The following FAM222A variants were observed in gnomAD, a reference collection of about 807,000 sequenced individuals.
FAM222A encodes family with sequence similarity 222 member A, also known as protein FAM222A.
FAM222A carries 7 observed loss-of-function variants against 25.8 expected under a neutral mutation model. That is an observed-to-expected ratio of 0.27 (90% CI 0.15 to 0.51). The LOEUF is 0.51. FAM222A is among the 20% of genes least tolerant of loss of function. FAM222A has a pLI of 0.97. For missense variants in FAM222A, 573 were observed against 640.5 expected (o/e 0.89, Z 1.14); for synonymous variants, 294 against 298.8 (o/e 0.98, Z 0.17).
intron 1 of FAM222A, among the ~76,000 whole-genome samples, chr12:109,716,839 G>A (rs185642568): frequency 6.6e-6 from 1 of 152,362 alleles, no homozygotes; most frequent in Non-Finnish European, 1.5e-5. Context: ...AGGAGGGAGT[G>A]CCAGCTTTCT....
intron 1 of FAM222A, among the ~76,000 whole-genome samples, chr12:109,721,567 G>A (rs1887746495): frequency 6.6e-6 from 1 of 152,214 alleles, no homozygotes; most frequent in Admixed American, 6.5e-5. Flanking sequence ...GGGCCTGTGA[G>A]CTGAAACCAG....
chr12:109,752,066 G>A (rs1888575663), intron 2 of FAM222A, among the ~76,000 whole-genome samples: 1 of 152,166 alleles, frequency 6.6e-6, no homozygotes, highest in Non-Finnish European at 1.5e-5. Context: ...TTCCAGGCTG[G>A]ACTGTCTCAA....
In FAM222A at chr12:109,768,496, GC is replaced by G; in HGVS notation, c.571del (p.Leu191CysfsTer77). The G allele has an allele frequency of 6.2e-7, 1 of 1,605,006 alleles. No homozygotes were observed. On this transcript the variant is annotated frameshift_variant, in exon 3 of 3. Coordinates refer to ENST00000538780, the MANE Select transcript of FAM222A (RefSeq NM_032829.3). LOFTEE classifies it high-confidence loss of function. Reference sequence around the variant, plus strand: ...TCATCCCCCTGCCGGGCCGGGGCCTGCCCCTGCCACCTTCCAACCTGCCCTC... The same window carrying G: ...TCATCCCCCTGCCGGGCCGGGGCCTGCCCTGCCACCTTCCAACCTGCCCTC... ...SVIPLPGRGLPLPPSNLPSIH... is the reference protein window; with the variant it reads ...SVIPLPGRGLXLPPSNLPSIH...
At chr12:109,754,324 G>C (rs1230074471) in intron 2 of FAM222A, among the ~76,000 whole-genome samples, 1 of 151,932 alleles carries the variant, frequency 6.6e-6, no homozygotes, top group Non-Finnish European at 1.5e-5. Context: ...TACTCAGGAG[G>C]AGTCCAAGAG....
intron 1 of FAM222A, among the ~76,000 whole-genome samples, chr12:109,740,509 T>TG (rs1394598465): frequency 6.6e-6 from 1 of 152,034 alleles, no homozygotes; most frequent in Non-Finnish European, 1.5e-5. Context: ...GCGGGGACTC[T>TG]GAGAGGCTGG....
At chr12:109,755,125 C>T (rs1207317663) in intron 2 of FAM222A, among the ~76,000 whole-genome samples, 1 of 152,054 alleles carries the variant, frequency 6.6e-6, no homozygotes, top group Non-Finnish European at 1.5e-5. Context: ...CTTTGAAGCA[C>T]AAAAGTTTTG....
chr12:109,756,580 T>G (rs1424751776), intron 2 of FAM222A, among the ~76,000 whole-genome samples: 1 of 152,222 alleles, frequency 6.6e-6, no homozygotes. Flanking sequence ...GGGATATTGA[T>G]TTGGCAAATG....
intron 1 of FAM222A, among the ~76,000 whole-genome samples, chr12:109,724,680 G>C (rs1210483713): frequency 6.6e-6 from 1 of 152,138 alleles, no homozygotes; most frequent in Non-Finnish European, 1.5e-5. Flanking sequence ...CTCCCTCTCT[G>C]TGCCTCAGTT....
intron 2 of FAM222A, among the ~76,000 whole-genome samples, chr12:109,757,987 G>T: frequency 6.6e-6 from 1 of 152,210 alleles, no homozygotes; most frequent in East Asian, 1.9e-4. Flanking sequence ...TAGGGAGTGG[G>T]CAAGGGAAAC....
intron 1 of FAM222A, among the ~76,000 whole-genome samples, chr12:109,733,884 A>G (rs1888008898): frequency 2.0e-5 from 3 of 152,130 alleles, no homozygotes; most frequent in Admixed American, 2.0e-4. Flanking sequence ...ACATTGGGAA[A>G]GGGATTCACA....
chr12:109,750,371 A>G (rs1888528354), intron 2 of FAM222A, among the ~76,000 whole-genome samples: 1 of 152,244 alleles, frequency 6.6e-6, no homozygotes, highest in South Asian at 2.1e-4. Context: ...AGCTATTAAA[A>G]TTGACGATAT....
chr12:109,734,254 C>T (rs936720154), intron 1 of FAM222A: 2 of 150,954 alleles, frequency 1.3e-5, no homozygotes, highest in East Asian at 1.9e-4. Context: ...GTGAGCTCTA[C>T]GCAGGAGAGA....
Position 109,759,918 on chromosome 12 carries a change from A to C in FAM222A, c.83-8094A>C, listed in dbSNP as rs59936815. Among the ~76,000 whole-genome samples the C allele has an allele frequency of 2.6e-3, 391 of 152,322 alleles. 5 individuals carry two copies. The highest frequency in any genetic ancestry group is 8.5e-3 in the African/African-American group (354 of 41,568). On this transcript the variant is annotated intron_variant, in intron 2 of 2. Transcript: ENST00000538780. ...CAGGATCTGCCCTAGAAGGTCTCCA[A>C]ATCTAGCCCAGGAGAAAAGTAGACC...
intron 2 of FAM222A, among the ~76,000 whole-genome samples, chr12:109,765,710 GA>G (rs150397329): frequency 0.014 from 2,136 of 152,340 alleles, 48 homozygotes; most frequent in African/African-American, 0.049. Context: ...CGATGCTTTA[GA>G]AGGTTGGGAC....
chr12:109,765,414 C>T (rs1048168161), intron 2 of FAM222A, among the ~76,000 whole-genome samples: 1 of 152,158 alleles, frequency 6.6e-6, no homozygotes, highest in Non-Finnish European at 1.5e-5. Flanking sequence ...CCGGCCACCT[C>T]TCTTGGGCTT....
intron 1 of FAM222A, among the ~76,000 whole-genome samples, chr12:109,720,797 C>A (rs965831976): frequency 1.3e-5 from 2 of 152,208 alleles, no homozygotes; most frequent in Non-Finnish European, 2.9e-5. Context: ...AGCCACCCAA[C>A]AAGTGCATGT....
chr12:109,762,958 C>T (rs1444548565), intron 2 of FAM222A, among the ~76,000 whole-genome samples: 1 of 152,206 alleles, frequency 6.6e-6, no homozygotes, highest in Non-Finnish European at 1.5e-5. Context: ...CTCCCCCAAG[C>T]CCATCTCTAA....
chr12:109,763,322 G>A (rs996606523), intron 2 of FAM222A, among the ~76,000 whole-genome samples: 30 of 152,220 alleles, frequency 2.0e-4, no homozygotes, highest in South Asian at 4.1e-4. Context: ...ACCTACTGCC[G>A]TGTGACAAGT....
intron 1 of FAM222A, chr12:109,734,594 C>A (rs1325716923): frequency 1.5e-5 from 2 of 135,410 alleles, no homozygotes; most frequent in Non-Finnish European, 3.1e-5. Flanking sequence ...TTGAAAAGTT[C>A]TTTAAAAAAA....
Sources: gnomAD v4.1 joint callset for allele counts (sites outside exome capture counted in the v4.1 genomes callset) on GRCh38, gnomAD v4.1.1 for gene constraint, MANE v1.5 for transcripts, NCBI Gene and HGNC (gene_info 2026-07-23, HGNC 2026-07-21) for gene names.